Variants in KIF5A observed in about 807,000 individuals in gnomAD.
The protein encoded by KIF5A is kinesin family member 5A.
In KIF5A, 35 loss-of-function variants were observed where a neutral mutation model predicts 141.3. That is an observed-to-expected ratio of 0.25 (90% CI 0.19 to 0.33). The LOEUF (loss-of-function observed/expected upper bound fraction) is 0.33, where lower values mean the gene tolerates loss of function less well. Ranked by LOEUF, KIF5A falls within the 10% of genes least tolerant of loss-of-function variation. The pLI is 1.00. For synonymous variants in KIF5A, 448 were observed against 500.2 expected (o/e 0.90, Z 1.39); for missense variants, 861 against 1,314.3 (o/e 0.66, Z 5.33).
At chr12:57,581,668 C>A in intron 25 of KIF5A, 100 bp downstream of exon 25, 1 of 1,425,766 alleles carries the variant, frequency 7.0e-7, no homozygotes, top group Non-Finnish European at 9.8e-7. Context: ...TAATTATTTT[C>A]CTAAACCCTT....
At chr12:57,563,347 GT>G in intron 1 of KIF5A, 91 bp from the exon 2 acceptor site, 1 of 895,740 alleles carries the variant, frequency 1.1e-6, no homozygotes, top group Non-Finnish European at 1.9e-6. Context: ...GAAGAAAAGG[GT>G]GCCTTTCTCA....
At chr12:57,555,908 CAA>C (rs763843453) in intron 1 of KIF5A, among the ~76,000 whole-genome samples, 7 of 92,296 alleles carry the variant, frequency 7.6e-5, no homozygotes, top group Admixed American at 1.2e-4. Context: ...AACTCTATCT[CAA>C]AAAAAAAAAA....
chr12:57,561,703 A>G (rs1237071858), intron 1 of KIF5A, among the ~76,000 whole-genome samples: 1 of 152,256 alleles, frequency 6.6e-6, no homozygotes, highest in Non-Finnish European at 1.5e-5. Flanking sequence ...TAATGCTCGT[A>G]CATAGTTTAA....
chr12:57,580,173 G>A (rs41401546), intron 23 of KIF5A, among the ~76,000 whole-genome samples: 8,197 of 152,166 alleles, frequency 0.054, 260 homozygotes, highest in East Asian at 0.09. Context: ...TGATTTACCC[G>A]CTGTCTTCCA....
intron 8 of KIF5A, among the ~76,000 whole-genome samples, chr12:57,568,290 G>A (rs1343965809): frequency 1.3e-5 from 2 of 152,156 alleles, no homozygotes; most frequent in Non-Finnish European, 2.9e-5. Flanking sequence ...CCAAGGTTGT[G>A]CAACCATTAC....
rs1201387610 is a variant in KIF5A at position 57,569,662 on chromosome 12, G to A, written c.1096G>A (p.Glu366Lys). The A allele has an allele frequency of 1.2e-6, 2 of 1,613,978 alleles. No homozygotes were observed. The highest frequency in any genetic ancestry group is 2.2e-5 in the South Asian group (2 of 91,076). The stretch of plus-strand genomic sequence containing the variant: ...GGAGACGATTGCGAAGCTGGAGGCT[G>A]AGCTGAGCCGGTGGCGCAATGGTTA... ...QKETIAKLEA[E>K]LSRWRNGENV... Residue 366 changes from glutamate to lysine, a missense_variant, in exon 11 of 29, where the codon GAG becomes AAG. Glu to Lys is a moderately conservative substitution (Grantham distance 56, BLOSUM62 1). This residue lies in a region of KIF5A where 167 missense variants were observed against 192.0 expected (regional missense o/e 0.87). Transcript: ENST00000455537.
intron 13 of KIF5A, among the ~76,000 whole-genome samples, chr12:57,571,761 G>A (rs1007105008): frequency 2.0e-5 from 3 of 152,006 alleles, no homozygotes; most frequent in African/African-American, 7.2e-5. Context: ...GTTTTGCCAT[G>A]TTACCCAGGC....
At position 57,550,136 on chromosome 12, in the gene KIF5A, C is replaced by T; in HGVS notation, c.-136C>T. ...CCCCGGCCCTGCTCCCCAGGCTTCG[C>T]CCGGGCGCCCTCAACTCTGTCCCCA... On this transcript the variant is annotated 5_prime_UTR_variant, in exon 1 of 29. Transcript: ENST00000455537. This position sits in a 1 kb window ranked among gnomAD's most constrained non-coding sequence, Gnocchi z 4.6. 1.6e-6 allele frequency: 2 copies of T among 1,279,488 alleles called. No individual in the cohort carries two copies. Among genetic ancestry groups the T allele is most frequent in the Non-Finnish European group, 2.2e-6 (2 of 895,148 alleles). The allele number at this position is 1,279,488 out of a possible 1,614,324, so 79.3% of individuals were successfully genotyped here.
chr12:57,567,491 C>T lies in KIF5A; in HGVS notation c.590-3C>T, dbSNP rs1882102799. 2 of 1,612,872 alleles carry T rather than the reference C, an allele frequency of 1.2e-6. No individual in the cohort carries two copies. The highest frequency in any genetic ancestry group is 1.7e-6 in the Non-Finnish European group (2 of 1,179,572). On this transcript the variant is annotated splice_region_variant and splice_polypyrimidine_tract_variant and intron_variant, in intron 7 of 28. Transcript: ENST00000455537. ...AGGTCCTGTTTCTCCCTTGCTCCTGCAGACATGAATGAACACAGCTCTCGG... is the reference window on the plus strand; with the variant it reads ...AGGTCCTGTTTCTCCCTTGCTCCTGTAGACATGAATGAACACAGCTCTCGG...
At chr12:57,576,631 C>T in intron 19 of KIF5A, 130 bp from the exon 20 acceptor site, 1 of 769,220 alleles carries the variant, frequency 1.3e-6, no homozygotes, top group Admixed American at 2.0e-5. Flanking sequence ...CCTCTGGTAT[C>T]TGAAGGTGGA....
chr12:57,574,887 A>G (rs1382513181), intron 15 of KIF5A, among the ~76,000 whole-genome samples, 197 bp from the exon 16 acceptor site: 1 of 152,162 alleles, frequency 6.6e-6, no homozygotes, highest in African/African-American at 2.4e-5. Flanking sequence ...CCCAGCCAGA[A>G]TTGGATTTTT....
intron 6 of KIF5A, among the ~76,000 whole-genome samples, chr12:57,565,850 C>A (rs1318799770): frequency 1.3e-5 from 2 of 151,432 alleles, no homozygotes; most frequent in African/African-American, 4.8e-5. Context: ...GTCTCTAATT[C>A]CTGACCTCAG....
At position 57,572,790 on chromosome 12, in the gene KIF5A, A is replaced by T; in HGVS notation, c.1716+64A>T. 6.3e-7 allele frequency: 1 copy of T among 1,589,316 alleles called. No homozygotes were observed. Among genetic ancestry groups the T allele is most frequent in the Non-Finnish European group, 8.6e-7 (1 of 1,157,556 alleles). On this transcript the variant is annotated intron_variant, in intron 15 of 28. Coordinates refer to ENST00000455537, the MANE Select transcript of KIF5A (RefSeq NM_004984.4). This position sits in a 1 kb window ranked among gnomAD's most constrained non-coding sequence, Gnocchi z 4.2. ...ACTAGTGGAAGACGCAAGATGAGCC[A>T]TCCAGGCCTTCACAGATACTGAGAA...
chr12:57,578,470 C>T (rs1204763724), intron 23 of KIF5A, 128 bp downstream of exon 23: 2 of 709,196 alleles, frequency 2.8e-6, no homozygotes, highest in South Asian at 1.5e-5. Context: ...TTTTACTTTC[C>T]CTACTAATCC....
intron 11 of KIF5A, 105 bp downstream of exon 11, chr12:57,569,788 A>G: frequency 1.3e-6 from 2 of 1,530,638 alleles, no homozygotes; most frequent in Non-Finnish European, 8.8e-7. Context: ...ATCTCCTAGA[A>G]GAGGGGCTGT....
intron 1 of KIF5A, among the ~76,000 whole-genome samples, chr12:57,557,500 T>A (rs188363899): frequency 1.5e-3 from 223 of 152,196 alleles, no homozygotes; most frequent in Non-Finnish European, 3.8e-4. Flanking sequence ...AATCACCCAA[T>A]ATCTTACCAC....
In KIF5A at chr12:57,576,749, G is replaced by T; in HGVS notation, c.2199-12G>T. ...TTCTCCCCCATCTCCATTACCTTCTGATGCTCTGTAGCCTAAATCAGAAGC... is the reference window on the plus strand; with the variant it reads ...TTCTCCCCCATCTCCATTACCTTCTTATGCTCTGTAGCCTAAATCAGAAGC... On this transcript the variant is annotated splice_polypyrimidine_tract_variant and intron_variant, in intron 19 of 28. Coordinates refer to ENST00000455537, the MANE Select transcript of KIF5A (RefSeq NM_004984.4). 6.2e-7 allele frequency: 1 copy of T among 1,601,078 alleles called. No individual in the cohort carries two copies. The highest frequency in any genetic ancestry group is 1.1e-5 in the South Asian group (1 of 90,574).
intron 25 of KIF5A, 22 bp from the exon 26 acceptor site, chr12:57,581,848 C>T (rs1882613029): frequency 6.2e-7 from 1 of 1,608,220 alleles, no homozygotes; most frequent in Admixed American, 1.7e-5. Context: ...CAGAGGCTGC[C>T]TCTTTCCTCT....
chr12:57,568,302 C>T (rs969446944), intron 8 of KIF5A, among the ~76,000 whole-genome samples: 1 of 152,226 alleles, frequency 6.6e-6, no homozygotes, highest in Non-Finnish European at 1.5e-5. Flanking sequence ...AACCATTACG[C>T]TATCCAATTC....
Sources: gnomAD v4.1 joint callset for allele counts (sites outside exome capture counted in the v4.1 genomes callset) on GRCh38, gnomAD v4.1.1 for gene constraint, gnomAD v4.1.1 regional missense constraint, Gnocchi (gnomAD v3.1) non-coding constraint, MANE v1.5 for transcripts, NCBI Gene and HGNC (gene_info 2026-07-23, HGNC 2026-07-21) for gene names.